The following TBC1D9 variants were observed in gnomAD, a reference collection of about 807,000 sequenced individuals.
The protein encoded by TBC1D9 is TBC1 domain family member 9A.
TBC1D9 carries 63 observed loss-of-function variants against 132.0 expected under a neutral mutation model. That is an observed-to-expected ratio of 0.48 (90% CI 0.39 to 0.59). The LOEUF (loss-of-function observed/expected upper bound fraction) is 0.59, where lower values mean the gene tolerates loss of function less well. TBC1D9 is among the 20% of genes least tolerant of loss of function. TBC1D9 has a pLI of 0.00. For missense variants in TBC1D9, 1,261 were observed against 1,592.7 expected (o/e 0.79, Z 3.54); for synonymous variants, 610 against 609.9 (o/e 1.00, Z 0.00).
At position 140,669,775 on chromosome 4, in the gene TBC1D9, G is replaced by A. The variant is rs1737507090; in HGVS notation, c.1296C>T (p.Ser432=). ...AGCTCGTGCTTCTCTGGGGGCTGGAGGAGACGAGGCTGCTGGGTCGAGAGT... is the reference window on the plus strand; with the variant it reads ...AGCTCGTGCTTCTCTGGGGGCTGGAAGAGACGAGGCTGCTGGGTCGAGAGT... The part of the protein sequence containing the change: ...EVYSRPSSLV[S]SSPQRSTSSD... The change falls in exon 8 of 21, where the codon TCC becomes TCT. Residue 432 remains serine, a synonymous_variant. Coordinates refer to ENST00000442267, the MANE Select transcript of TBC1D9 (RefSeq NM_015130.3). The A allele has an allele frequency of 1.2e-6, 2 of 1,613,888 alleles. No homozygotes were observed. The highest frequency in any genetic ancestry group is 1.7e-5 in the Admixed American group (1 of 60,014).
chr4:140,620,987 GA>G lies in TBC1D9; in HGVS notation c.*1207del, dbSNP rs1262499144. 6.6e-6 allele frequency: 1 copy of G among 152,588 alleles called. No individual in the cohort carries two copies. The highest frequency in any genetic ancestry group is 1.5e-5 in the Non-Finnish European group (1 of 68,020). The allele number at this position is 152,588 out of a possible 1,614,324, so 9.5% of individuals were successfully genotyped here. On this transcript the variant is annotated 3_prime_UTR_variant, in exon 21 of 21. Coordinates refer to ENST00000442267, the MANE Select transcript of TBC1D9 (RefSeq NM_015130.3). Reference sequence around the variant, plus strand: ...GCAAAGGAAATGAGACCATGATTATGAATTCAACAATCAGAAGAAAAAATCG... The same window carrying G: ...GCAAAGGAAATGAGACCATGATTATGATTCAACAATCAGAAGAAAAAATCG...
rs1383776165 is a variant in TBC1D9 at position 140,689,504 on chromosome 4, CTTCCCTTCCCCCTT to C, written c.242-3056_242-3043del. Among the ~76,000 whole-genome samples, 15 of 102,934 alleles carry C rather than the reference CTTCCCTTCCCCCTT, an allele frequency of 1.5e-4. No individual in the cohort carries two copies. In the East Asian group the frequency reaches 4.0e-3, roughly 27 times the overall value. The allele number at this position is 102,934 out of a possible 152,430, so 67.5% of individuals were successfully genotyped here. A position where few individuals can be genotyped will look rare whatever the true frequency, so the allele number is the denominator to read the frequency against. On this transcript the variant is annotated intron_variant, in intron 2 of 20. Coordinates refer to ENST00000442267, the MANE Select transcript of TBC1D9 (RefSeq NM_015130.3). ...CTTTTTCCCTTCCCTTCCCCCTTTC[CTTCCCTTCCCCCTT>C]TTCCCTTCCATTCCCCCTTTTCCCT...
intron 1 of TBC1D9, among the ~76,000 whole-genome samples, chr4:140,723,426 TG>T (rs1421880563): frequency 1.3e-5 from 2 of 152,184 alleles, no homozygotes; most frequent in Non-Finnish European, 2.9e-5. Context: ...CTCCGCCTCC[TG>T]GGTTCAAGTG....
At chr4:140,654,749 T>C (rs1737239640) in intron 13 of TBC1D9, among the ~76,000 whole-genome samples, 1 of 152,166 alleles carries the variant, frequency 6.6e-6, no homozygotes, top group East Asian at 1.9e-4. Flanking sequence ...AGTGGAAACA[T>C]AAATTGAGAC....
At chr4:140,667,845 G>A (rs1426403920) in intron 9 of TBC1D9, among the ~76,000 whole-genome samples, 2 of 152,096 alleles carry the variant, frequency 1.3e-5, no homozygotes, top group East Asian at 1.9e-4. Context: ...AGGATTATAC[G>A]TCCCTATTTC....
At chr4:140,674,002 T>A (rs185783567) in intron 6 of TBC1D9, among the ~76,000 whole-genome samples, 44 of 152,230 alleles carry the variant, frequency 2.9e-4, no homozygotes, top group Admixed American at 1.8e-3. Context: ...AAACTGAGAG[T>A]GATGATTCAT....
In TBC1D9 at chr4:140,659,549, C is replaced by T. The variant is rs199938561; in HGVS notation, c.1921+39G>A. The stretch of plus-strand genomic sequence containing the variant: ...CACCTCTCTAAAAGCATCTTCTTGA[C>T]GAGACATAGGTTGAAATGTTAAATG... On this transcript the variant is annotated intron_variant, in intron 11 of 20. Transcript: ENST00000442267. 3.8e-5 allele frequency: 54 copies of T among 1,411,914 alleles called. No individual in the cohort carries two copies. In the Admixed American group the frequency reaches 5.4e-4, roughly 14 times the overall value. The allele number at this position is 1,411,914 out of a possible 1,614,324, so 87.5% of individuals were successfully genotyped here. A position where few individuals can be genotyped will look rare whatever the true frequency, so the allele number is the denominator to read the frequency against.
chr4:140,713,747 A>AC (rs1560893772), intron 1 of TBC1D9, among the ~76,000 whole-genome samples: 1 of 52,994 alleles, frequency 1.9e-5, no homozygotes, highest in East Asian at 2.0e-3. Context: ...CTGAAAAAGA[A>AC]TTAAAAAAAA....
chr4:140,643,883 G>GGGCAGT (rs1737054226), intron 13 of TBC1D9: 2 of 719,546 alleles, frequency 2.8e-6, no homozygotes, highest in East Asian at 5.3e-5. Context: ...TTTCCATGGC[G>GGGCAGT]GGCAGTGGCA....
At chr4:140,722,752 T>C (rs1219381217) in intron 1 of TBC1D9, among the ~76,000 whole-genome samples, 1 of 152,212 alleles carries the variant, frequency 6.6e-6, no homozygotes, top group Non-Finnish European at 1.5e-5. Flanking sequence ...CTTTTTTAAA[T>C]TTTACTAGGA....
At chr4:140,643,630 CCA>C (rs1449074672) in intron 13 of TBC1D9, 6 of 1,014,834 alleles carry the variant, frequency 5.9e-6, no homozygotes, top group Non-Finnish European at 8.5e-6. Context: ...GCAGGAACCG[CCA>C]CAGGCACCTC....
At chr4:140,710,904 T>C (rs1738232386) in intron 1 of TBC1D9, among the ~76,000 whole-genome samples, 2 of 152,208 alleles carry the variant, frequency 1.3e-5, no homozygotes, top group South Asian at 4.1e-4. Context: ...CAGTAGAATA[T>C]TAAGCCAAGC....
At chr4:140,732,065 C>G (rs1738602012) in intron 1 of TBC1D9, among the ~76,000 whole-genome samples, 1 of 152,160 alleles carries the variant, frequency 6.6e-6, no homozygotes, top group East Asian at 1.9e-4. Flanking sequence ...CACATAGGCC[C>G]TACTCAGGTA....
At chr4:140,686,543 T>C in intron 2 of TBC1D9, 81 bp from the exon 3 acceptor site, 1 of 873,934 alleles carries the variant, frequency 1.1e-6, no homozygotes, top group Non-Finnish European at 1.8e-6. Context: ...TTCATTATAG[T>C]CTATACCATC....
intron 1 of TBC1D9, among the ~76,000 whole-genome samples, chr4:140,742,913 AAG>A (rs1333325788): frequency 6.6e-6 from 1 of 151,576 alleles, no homozygotes; most frequent in Non-Finnish European, 1.5e-5. Context: ...GAGGAGGAGA[AAG>A]AGAAAGAAAG....
In TBC1D9 at chr4:140,633,935, A is replaced by C. The variant is rs1335024454; in HGVS notation, c.2746+13T>G. 3 of 1,613,594 alleles carry C rather than the reference A, an allele frequency of 1.9e-6. No homozygotes were observed. In the Admixed American group the frequency reaches 5.0e-5, roughly 27 times the overall value. On this transcript the variant is annotated intron_variant, in intron 16 of 20. Transcript: ENST00000442267. The stretch of plus-strand genomic sequence containing the variant: ...ATCCCATCCCAACTCATGCAATAGT[A>C]CCACGTCCTTACTTAGCCCAGAGAC...
At chr4:140,710,369 G>A (rs563101372) in intron 1 of TBC1D9, among the ~76,000 whole-genome samples, 38 of 152,082 alleles carry the variant, frequency 2.5e-4, no homozygotes, top group Admixed American at 5.9e-4. Context: ...GAGGTGGAGC[G>A]CCCACTCTGT....
At chr4:140,658,098 T>C (rs1251388371) in intron 11 of TBC1D9, among the ~76,000 whole-genome samples, 1 of 152,250 alleles carries the variant, frequency 6.6e-6, no homozygotes, top group East Asian at 1.9e-4. Flanking sequence ...AAGGTTTTCG[T>C]GACATACAAT....
chr4:140,744,152 C>G (rs1185988421), intron 1 of TBC1D9, among the ~76,000 whole-genome samples: 1 of 152,058 alleles, frequency 6.6e-6, no homozygotes, highest in African/African-American at 2.4e-5. Context: ...GACAAGCAAG[C>G]AAAATCTGCT....
Sources: gnomAD v4.1 joint callset for allele counts (sites outside exome capture counted in the v4.1 genomes callset) on GRCh38, gnomAD v4.1.1 for gene constraint, MANE v1.5 for transcripts, NCBI Gene and HGNC (gene_info 2026-07-23, HGNC 2026-07-21) for gene names.